The following COL22A1 variants were observed in gnomAD, a reference collection of about 807,000 sequenced individuals.
COL22A1 encodes collagen alpha-1(XXII) chain.
Under a neutral mutation model 248.9 loss-of-function variants are expected in COL22A1, and 221 were observed. The observed-to-expected ratio is 0.89, with a 90% confidence interval of 0.80 to 0.99. The LOEUF (loss-of-function observed/expected upper bound fraction) is 0.99. Among genes scored for constraint, COL22A1 ranks in the 50% least tolerant of loss-of-function variants. The probability of loss-of-function intolerance (pLI) is 0.00; values close to 1 mark genes in which losing one functional copy is unlikely to be tolerated. For synonymous variants in COL22A1, 891 were observed against 793.4 expected, an observed-to-expected ratio of 1.12 and a Z score of -2.07; for missense variants, 2,240 against 2,179.0, an observed-to-expected ratio of 1.03 and a Z score of -0.56.
intron 45 of COL22A1, among the ~76,000 whole-genome samples, chr8:138,654,939 C>T (rs1823093859): frequency 6.6e-6 from 1 of 152,204 alleles, no homozygotes. Context: ...CCCACATCAC[C>T]TCACTGAACC....
chr8:138,686,652 G>A (rs181550272), intron 37 of COL22A1, among the ~76,000 whole-genome samples: 14 of 148,462 alleles, frequency 9.4e-5, no homozygotes, highest in Middle Eastern at 3.5e-3. Flanking sequence ...CCGGCCCTCA[G>A]CCTGGGCCTC....
intron 31 of COL22A1, among the ~76,000 whole-genome samples, chr8:138,701,177 T>C (rs768875637): frequency 6.6e-6 from 1 of 152,146 alleles, no homozygotes; most frequent in Non-Finnish European, 1.5e-5. Flanking sequence ...CTCTCCACCA[T>C]GCAAATATAA....
intron 52 of COL22A1, chr8:138,620,501 G>A (rs1164074370): frequency 6.6e-6 from 1 of 152,148 alleles, no homozygotes; most frequent in Non-Finnish European, 1.5e-5. Flanking sequence ...TGATCTTAAA[G>A]TGCCATTTCC....
rs557825714 is a variant in COL22A1 at position 138,652,863 on chromosome 8, C to T, written c.3333+3034G>A. Among the ~76,000 whole-genome samples the T allele has an allele frequency of 4.3e-4, 63 of 147,356 alleles. 1 individual carries two copies. Among genetic ancestry groups the T allele is most frequent in the South Asian group, 8.9e-4 (4 of 4,470 alleles). On this transcript the variant is annotated intron_variant, in intron 45 of 64. Coordinates refer to ENST00000303045, the MANE Select transcript of COL22A1 (RefSeq NM_152888.3). ...CCAGATTCAAGCAATTCTCCCACCT[C>T]AGCCTCCCAAGCAGCTGGGAATACA...
intron 42 of COL22A1, among the ~76,000 whole-genome samples, chr8:138,663,128 C>T (rs1824132077): frequency 6.6e-6 from 1 of 152,148 alleles, no homozygotes; most frequent in Non-Finnish European, 1.5e-5. Context: ...ATCCCACTTG[C>T]TACAATGCAG....
chr8:138,607,189 G>A (rs994269873), intron 57 of COL22A1, among the ~76,000 whole-genome samples: 3 of 152,148 alleles, frequency 2.0e-5, no homozygotes, highest in Non-Finnish European at 1.5e-5. Context: ...GCTGGTCACC[G>A]CAGTATCCGA....
intron 7 of COL22A1, among the ~76,000 whole-genome samples, chr8:138,814,389 G>A (rs1471063122): frequency 1.3e-5 from 2 of 152,130 alleles, no homozygotes; most frequent in Admixed American, 6.5e-5. Flanking sequence ...CTGAGATCAG[G>A]TCATAAGAAG....
intron 30 of COL22A1, among the ~76,000 whole-genome samples, chr8:138,711,037 G>C (rs1828920029): frequency 6.6e-6 from 1 of 152,160 alleles, no homozygotes; most frequent in South Asian, 2.1e-4. Context: ...CTCATCCTGA[G>C]GGCTGTGGAC....
At chr8:138,675,511 TAAGA>T in intron 41 of COL22A1, among the ~76,000 whole-genome samples, 1 of 152,200 alleles carries the variant, frequency 6.6e-6, no homozygotes, top group South Asian at 2.1e-4. Flanking sequence ...GCTTTTGGGT[TAAGA>T]TAATAGTAAC....
chr8:138,619,872 A>G, intron 52 of COL22A1: 1 of 249,258 alleles, frequency 4.0e-6, no homozygotes, highest in East Asian at 8.9e-5. Flanking sequence ...GCCGCTATTA[A>G]CACTTGCACT....
chr8:138,883,467 A>G (rs957413074), intron 1 of COL22A1, among the ~76,000 whole-genome samples: 2 of 152,214 alleles, frequency 1.3e-5, no homozygotes, highest in African/African-American at 4.8e-5. Flanking sequence ...TCCAATTAGC[A>G]GATGGGCTTG....
intron 51 of COL22A1, 41 bp downstream of exon 51, chr8:138,626,149 T>C: frequency 6.7e-7 from 1 of 1,485,474 alleles, no homozygotes; most frequent in Non-Finnish European, 9.2e-7. Context: ...AAAGAGAAAC[T>C]AGTTTGTTTT....
chr8:138,880,687 C>T (rs1035250535), intron 2 of COL22A1, among the ~76,000 whole-genome samples: 5 of 152,182 alleles, frequency 3.3e-5, no homozygotes, highest in African/African-American at 1.2e-4. Flanking sequence ...AGGATTAGAA[C>T]TCTGGAGTGT....
intron 6 of COL22A1, among the ~76,000 whole-genome samples, chr8:138,824,251 C>G (rs2131773690): frequency 6.6e-6 from 1 of 152,296 alleles, no homozygotes; most frequent in East Asian, 1.9e-4. Context: ...ATGTTTCTGC[C>G]TCTAGCATGA....
chr8:138,863,179 T>C (rs1822615964), intron 3 of COL22A1, among the ~76,000 whole-genome samples: 1 of 152,228 alleles, frequency 6.6e-6, no homozygotes, highest in Non-Finnish European at 1.5e-5. Flanking sequence ...TTTCTTTCCT[T>C]GCAGATGCCT....
intron 2 of COL22A1, among the ~76,000 whole-genome samples, chr8:138,879,457 C>T (rs924751940): frequency 1.3e-5 from 2 of 152,048 alleles, no homozygotes; most frequent in Non-Finnish European, 1.5e-5. Flanking sequence ...TTTGGGAGGT[C>T]AAGGCGGGCA....
At chr8:138,704,304 C>G (rs573070450) in intron 30 of COL22A1, among the ~76,000 whole-genome samples, 1 of 152,204 alleles carries the variant, frequency 6.6e-6, no homozygotes, top group Non-Finnish European at 1.5e-5. Context: ...AGTTTGAGAT[C>G]TAAGAACAGA....
At position 138,683,489 on chromosome 8, in the gene COL22A1, C is replaced by G. The variant is rs187722099; in HGVS notation, c.3012+936G>C. ...ATTTAGCAAGCATTTCTCTTTTCCT[C>G]CTGTGTGCCTCAGCAGACGACATGC... On this transcript the variant is annotated intron_variant, in intron 39 of 64. Transcript: ENST00000303045. Among the ~76,000 whole-genome samples the G allele has an allele frequency of 2.0e-5, 3 of 152,274 alleles. 1 individual carries two copies. The highest frequency in any genetic ancestry group is 1.3e-4 in the Admixed American group (2 of 15,294).
chr8:138,603,818 A>C lies in COL22A1; in HGVS notation c.4140+916T>G, dbSNP rs536922170. ...CCACCTCCCTGAAGTTAAGAACGTG[A>C]CCCAAAGGCACAGGGTAAAAATGCG... On this transcript the variant is annotated intron_variant, in intron 59 of 64. Coordinates refer to ENST00000303045, the MANE Select transcript of COL22A1 (RefSeq NM_152888.3). 2.0e-5 allele frequency among the ~76,000 whole-genome samples: 3 copies of C among 152,288 alleles called. No individual in the cohort carries two copies. The South Asian group carries it at 6.2e-4, about 32-fold the overall frequency.
Sources: allele counts gnomAD v4.1 joint callset (sites outside exome capture counted in the v4.1 genomes callset), GRCh38; gene constraint gnomAD v4.1.1; transcripts MANE v1.5; gene names NCBI Gene and HGNC (gene_info 2026-07-23, HGNC 2026-07-21).